The following HMGCLL1 variants were observed in gnomAD, a reference collection of about 807,000 sequenced individuals.
The protein encoded by HMGCLL1 is 3-hydroxy-3-methylglutaryl-CoA lyase like 1, also known as 3-hydroxymethyl-3-methylglutaryl-CoA lyase, cytoplasmic.
HMGCLL1 carries 36 observed loss-of-function variants against 39.1 expected under a neutral mutation model. That is an observed-to-expected ratio of 0.92 (90% confidence interval 0.71 to 1.22). HMGCLL1 has a LOEUF of 1.22. HMGCLL1 is among the 50% of genes most tolerant of loss of function. HMGCLL1 has a pLI of 0.00. For missense variants in HMGCLL1, 451 were observed against 416.5 expected, an observed-to-expected ratio of 1.08 and a Z score of -0.72; for synonymous variants, 149 against 144.0, an observed-to-expected ratio of 1.03 and a Z score of -0.25.
intron 8 of HMGCLL1, among the ~76,000 whole-genome samples, chr6:55,438,464 C>T (rs1763458600): frequency 6.6e-6 from 1 of 151,988 alleles, no homozygotes; most frequent in African/African-American, 2.4e-5. Flanking sequence ...AACATGAAAA[C>T]ACTAAGGAAT....
the HMGCLL1 span, among the ~76,000 whole-genome samples, chr6:55,641,434 A>G: frequency 6.6e-6 from 1 of 152,106 alleles, no homozygotes; most frequent in Non-Finnish European, 1.5e-5. Context: ...ATATCTATAA[A>G]TAACAACAAA....
the HMGCLL1 span, among the ~76,000 whole-genome samples, chr6:55,592,714 C>T: frequency 6.6e-6 from 1 of 152,042 alleles, no homozygotes; most frequent in African/African-American, 2.4e-5. Flanking sequence ...GTAATGAGAA[C>T]AAGTACTAAC....
chr6:55,526,015 T>C (rs1768299866), intron 3 of HMGCLL1, among the ~76,000 whole-genome samples: 1 of 151,868 alleles, frequency 6.6e-6, no homozygotes, highest in African/African-American at 2.4e-5. Flanking sequence ...CCATGACCAA[T>C]ATACAACCAA....
At chr6:55,620,840 T>C in the HMGCLL1 span, among the ~76,000 whole-genome samples, 1 of 152,202 alleles carries the variant, frequency 6.6e-6, no homozygotes, top group African/African-American at 2.4e-5. Flanking sequence ...CTTCTCCATA[T>C]GGTTGTCCAG....
chr6:55,451,123 G>T (rs765124167), intron 7 of HMGCLL1, among the ~76,000 whole-genome samples: 3 of 152,122 alleles, frequency 2.0e-5, no homozygotes, highest in Non-Finnish European at 2.9e-5. Flanking sequence ...AGAGAAGTAG[G>T]AAGAGAATGA....
chr6:55,481,813 T>TAC (rs78310872), intron 7 of HMGCLL1, among the ~76,000 whole-genome samples: 22,055 of 152,074 alleles, frequency 0.15, 1,960 homozygotes, highest in Non-Finnish European at 0.2. Flanking sequence ...TACCTACCTA[T>TAC]CTACCTACCT....
chr6:55,536,727 A>G (rs2127452789), intron 3 of HMGCLL1, among the ~76,000 whole-genome samples: 1 of 152,262 alleles, frequency 6.6e-6, no homozygotes, highest in South Asian at 2.1e-4. Flanking sequence ...ATCTCCAGCC[A>G]TTCAGGTTAT....
At chr6:55,653,219 C>T in the HMGCLL1 span, among the ~76,000 whole-genome samples, 2 of 151,962 alleles carry the variant, frequency 1.3e-5, no homozygotes. Context: ...GAAAAAAATT[C>T]TTAGCTACTA....
At chr6:55,436,385 A>T (rs557507560) in intron 8 of HMGCLL1, among the ~76,000 whole-genome samples, 1 of 152,032 alleles carries the variant, frequency 6.6e-6, no homozygotes, top group Non-Finnish European at 1.5e-5. Flanking sequence ...TATAAATAGG[A>T]TCAACAAAAG....
At chr6:55,571,740 CAGAGCTTGCAGTAAGTCGAGAT>C (rs1424991336) in intron 1 of HMGCLL1, among the ~76,000 whole-genome samples, 4 of 152,148 alleles carry the variant, frequency 2.6e-5, no homozygotes, top group African/African-American at 9.6e-5. Flanking sequence ...ACCCAGGAGA[CAGAGCTTGCAGTAAGTCGAGAT>C]CGCGCCACTG....
At chr6:55,583,913 C>T (rs527699272), upstream of HMGCLL1, among the ~76,000 whole-genome samples, 11 of 152,220 alleles carry the variant, frequency 7.2e-5, no homozygotes, top group South Asian at 1.7e-3. Context: ...AGTCTTCTTA[C>T]GGAGATTTAC....
chr6:55,603,671 C>T, the HMGCLL1 span, among the ~76,000 whole-genome samples: 2 of 152,006 alleles, frequency 1.3e-5, no homozygotes, highest in South Asian at 2.1e-4. Context: ...TTCCTATGGC[C>T]CACCATTAAT....
chr6:55,557,076 A>C (rs1720540994), intron 1 of HMGCLL1, among the ~76,000 whole-genome samples: 1 of 152,178 alleles, frequency 6.6e-6, no homozygotes, highest in Non-Finnish European at 1.5e-5. Flanking sequence ...ACACTTTATA[A>C]AGTTAGATTC....
the HMGCLL1 span, among the ~76,000 whole-genome samples, chr6:55,641,398 G>T: frequency 6.6e-6 from 1 of 151,928 alleles, no homozygotes; most frequent in Non-Finnish European, 1.5e-5. Context: ...AAAGCAAGTT[G>T]CATAGTAATA....
the HMGCLL1 span, among the ~76,000 whole-genome samples, chr6:55,676,239 AAAAC>A: frequency 5.3e-4 from 81 of 152,272 alleles, no homozygotes; most frequent in African/African-American, 1.7e-3. Context: ...TACAAATATA[AAAAC>A]AAACAAAGAT....
At chr6:55,552,268 C>T (rs1770378724) in intron 1 of HMGCLL1, among the ~76,000 whole-genome samples, 1 of 151,932 alleles carries the variant, frequency 6.6e-6, no homozygotes, top group Non-Finnish European at 1.5e-5. Flanking sequence ...AACATGAATG[C>T]TACCAGTCCT....
chr6:55,649,795 T>G, the HMGCLL1 span, among the ~76,000 whole-genome samples: 1 of 151,684 alleles, frequency 6.6e-6, no homozygotes, highest in African/African-American at 2.4e-5. Flanking sequence ...TAATCTCCTC[T>G]GACTATGTAT....
At chr6:55,593,343 T>C in the HMGCLL1 span, among the ~76,000 whole-genome samples, 1 of 152,206 alleles carries the variant, frequency 6.6e-6, no homozygotes, top group Admixed American at 6.5e-5. Context: ...AAATTAGTTT[T>C]TTAGGATTTA....
chr6:55,623,854 G>A, the HMGCLL1 span, among the ~76,000 whole-genome samples: 1 of 152,000 alleles, frequency 6.6e-6, no homozygotes, highest in African/African-American at 2.4e-5. Context: ...CAGCTGCTAA[G>A]TATGTCTATG....
Sources: gnomAD v4.1 joint callset for allele counts (sites outside exome capture counted in the v4.1 genomes callset) on GRCh38, gnomAD v4.1.1 for gene constraint, MANE v1.5 for transcripts, NCBI Gene and HGNC (gene_info 2026-07-23, HGNC 2026-07-21) for gene names.